Variants in PTPRE observed in about 807,000 individuals in gnomAD.
The protein encoded by PTPRE is receptor-type tyrosine-protein phosphatase epsilon.
In PTPRE, 51 loss-of-function variants were observed where a neutral mutation model predicts 102.0. The ratio of observed to expected loss-of-function variants is 0.50; its 90% CI spans 0.40 to 0.63. The LOEUF (loss-of-function observed/expected upper bound fraction) is 0.63, where lower values mean the gene tolerates loss of function less well. Among genes scored for constraint, PTPRE ranks in the 30% least tolerant of loss-of-function variants. The pLI, the probability that PTPRE is intolerant of heterozygous loss-of-function variation, is 0.00. For missense variants in PTPRE, 752 were observed against 915.1 expected (o/e 0.82, Z 2.30); for synonymous variants, 345 against 348.2 (o/e 0.99, Z 0.10).
In PTPRE at chr10:128,085,837, A is replaced by G. The variant is rs1461170472; in HGVS notation, c.*2931A>G. ...TTAAACCATTCTGATGCAAGGATAA[A>G]CCTTTACTTTGACTACCAGCCTGTG... On this transcript the variant is annotated 3_prime_UTR_variant, in exon 21 of 21. Transcript: ENST00000254667. The G allele has an allele frequency of 7.5e-6, 1 of 134,162 alleles. No individual in the cohort carries two copies. The highest frequency in any genetic ancestry group is 2.3e-4 in the East Asian group (1 of 4,422). The allele number at this position is 134,162 out of a possible 1,614,324, so 8.3% of individuals were successfully genotyped here. A position where few individuals can be genotyped will look rare whatever the true frequency, so the allele number is the denominator to read the frequency against.
intron 1 of PTPRE, among the ~76,000 whole-genome samples, chr10:127,952,415 G>A (rs951510971): frequency 7.9e-6 from 1 of 126,990 alleles, no homozygotes; most frequent in Non-Finnish European, 1.6e-5. Flanking sequence ...CTGCAAAATA[G>A]CTCCCTTTTT....
At chr10:128,031,161 T>C (rs1846721618) in intron 2 of PTPRE, among the ~76,000 whole-genome samples, 1 of 152,212 alleles carries the variant, frequency 6.6e-6, no homozygotes, top group African/African-American at 2.4e-5. Flanking sequence ...GAGTCTACAG[T>C]CTCCCTCAAC....
intron 1 of PTPRE, among the ~76,000 whole-genome samples, chr10:127,922,391 G>A (rs926483785): frequency 2.0e-5 from 3 of 152,254 alleles, no homozygotes; most frequent in Admixed American, 1.3e-4. Context: ...GGCTGTCTGT[G>A]CGGAGCTCAG....
intron 1 of PTPRE, among the ~76,000 whole-genome samples, chr10:127,913,119 T>C (rs1413869024): frequency 1.3e-5 from 2 of 152,122 alleles, no homozygotes; most frequent in Non-Finnish European, 2.9e-5. Flanking sequence ...GGGAGCATGA[T>C]GCCGCCAAGG....
At chr10:128,038,029 C>A (rs1345721253) in intron 2 of PTPRE, among the ~76,000 whole-genome samples, 1 of 146,668 alleles carries the variant, frequency 6.8e-6, no homozygotes, top group Non-Finnish European at 1.5e-5. Context: ...TCTTGAACTC[C>A]TGAACTTATG....
At chr10:127,968,028 G>C (rs1051913951) in intron 1 of PTPRE, among the ~76,000 whole-genome samples, 1 of 150,324 alleles carries the variant, frequency 6.7e-6, no homozygotes, top group East Asian at 1.9e-4. Context: ...GTGTGTGTGT[G>C]TGTGTGTGTG....
intron 1 of PTPRE, among the ~76,000 whole-genome samples, chr10:127,978,991 A>G (rs1263928441): frequency 2.6e-5 from 4 of 152,220 alleles, no homozygotes; most frequent in Non-Finnish European, 5.9e-5. Context: ...ACTGCACTCC[A>G]GCCTGGGTTA....
At chr10:127,912,935 A>G (rs1845961959) in intron 1 of PTPRE, among the ~76,000 whole-genome samples, 1 of 152,258 alleles carries the variant, frequency 6.6e-6, no homozygotes, top group Non-Finnish European at 1.5e-5. Context: ...TCTGAATACC[A>G]GCAGCAAGTG....
Position 128,061,705 on chromosome 10 carries a change from A to G in PTPRE, c.615A>G (p.Ile205Met). The G allele has an allele frequency of 6.3e-7, 1 of 1,583,242 alleles. No individual in the cohort carries two copies. The highest frequency in any genetic ancestry group is 8.6e-7 in the Non-Finnish European group (1 of 1,167,240). The part of the protein sequence containing the change: ...IDGYKEKNKF[I>M]AAQGPKQETV... ...GTTACAAAGAGAAGAATAAATTCAT[A>G]GCAGCTCAAGGTAAGCTTTTTATTA... Residue 205 changes from isoleucine (I) to methionine (M), a missense_variant, in exon 9 of 21, where the codon ATA becomes ATG. This residue lies in a region of PTPRE where 636 missense variants were observed against 824.4 expected (regional missense o/e 0.77). Coordinates refer to ENST00000254667, the MANE Select transcript of PTPRE (RefSeq NM_006504.6).
intron 20 of PTPRE, among the ~76,000 whole-genome samples, chr10:128,080,803 T>C (rs1391781016): frequency 6.6e-6 from 1 of 152,212 alleles, no homozygotes. Context: ...GTAAAGGGTC[T>C]AGTCCAATGC....
At chr10:128,023,206 T>C (rs1224714344) in intron 2 of PTPRE, among the ~76,000 whole-genome samples, 2 of 152,136 alleles carry the variant, frequency 1.3e-5, no homozygotes, top group South Asian at 4.1e-4. Context: ...CTGTGCCTGA[T>C]TTATAAAATA....
chr10:127,978,276 C>T (rs1440578712), intron 1 of PTPRE, among the ~76,000 whole-genome samples: 2 of 151,894 alleles, frequency 1.3e-5, no homozygotes, highest in Non-Finnish European at 2.9e-5. Context: ...TAGTGGCTCA[C>T]GCCTGTAATG....
At chr10:128,020,505 T>C (rs1304228980) in intron 2 of PTPRE, among the ~76,000 whole-genome samples, 1 of 152,248 alleles carries the variant, frequency 6.6e-6, no homozygotes, top group East Asian at 1.9e-4. Context: ...GGCTCAGTAT[T>C]TGGGTTTTAG....
rs541709555 is a variant in PTPRE at position 128,008,619 on chromosome 10, G to A, written c.-8+26323G>A. On this transcript the variant is annotated intron_variant, in intron 2 of 20. Transcript: ENST00000254667. This position sits in a 1 kb window ranked among gnomAD's most constrained non-coding sequence, Gnocchi z 4.0. ...TTGCTTTTGGTATGGGAAGGAGCCCGACACACCTGGTCTTTCTCAACTCCT... is the reference window on the plus strand; with the variant it reads ...TTGCTTTTGGTATGGGAAGGAGCCCAACACACCTGGTCTTTCTCAACTCCT... 9.9e-5 allele frequency among the ~76,000 whole-genome samples: 15 copies of A among 152,254 alleles called. No homozygotes were observed. The highest frequency in any genetic ancestry group is 3.4e-3 in the Middle Eastern group (1 of 294).
At chr10:127,958,218 C>T (rs1489625871) in intron 1 of PTPRE, among the ~76,000 whole-genome samples, 2 of 152,192 alleles carry the variant, frequency 1.3e-5, no homozygotes, top group African/African-American at 4.8e-5. Context: ...TAACCATAAC[C>T]TCCCATATGA....
intron 7 of PTPRE, among the ~76,000 whole-genome samples, chr10:128,056,668 G>C: frequency 6.6e-6 from 1 of 152,216 alleles, no homozygotes; most frequent in Non-Finnish European, 1.5e-5. Context: ...AAAAATAATA[G>C]AATACGAAAT....
chr10:128,020,371 G>C (rs902392209), intron 2 of PTPRE, among the ~76,000 whole-genome samples: 1 of 152,094 alleles, frequency 6.6e-6, no homozygotes, highest in Non-Finnish European at 1.5e-5. Context: ...GCTGAGTTCA[G>C]GTATATGATC....
chr10:127,952,342 CTAGCCCTTAGTTG>C (rs1849094294), intron 1 of PTPRE, among the ~76,000 whole-genome samples: 1 of 141,796 alleles, frequency 7.1e-6, no homozygotes, highest in Admixed American at 7.3e-5. Flanking sequence ...CCCGCCCCCC[CTAGCCCTTAGTTG>C]CCCTCACCCA....
intron 1 of PTPRE, among the ~76,000 whole-genome samples, chr10:127,912,565 C>T (rs1432073624): frequency 6.6e-6 from 1 of 152,040 alleles, no homozygotes; most frequent in Non-Finnish European, 1.5e-5. Flanking sequence ...AAAAACCAAA[C>T]GTGTTTTGGG....
Sources: gnomAD v4.1 joint callset for allele counts (sites outside exome capture counted in the v4.1 genomes callset) on GRCh38, gnomAD v4.1.1 for gene constraint, gnomAD v4.1.1 regional missense constraint, Gnocchi (gnomAD v3.1) non-coding constraint, MANE v1.5 for transcripts, NCBI Gene and HGNC (gene_info 2026-07-23, HGNC 2026-07-21) for gene names.